Variants in TRPC5 observed in about 807,000 individuals in gnomAD.
TRPC5 encodes transient receptor potential cation channel subfamily C member 5, also known as short transient receptor potential channel 5.
A neutral mutation model predicts 56.5 loss-of-function variants in TRPC5; 9 were observed. The ratio of observed to expected loss-of-function variants is 0.16; its 90% CI spans 0.10 to 0.28. TRPC5 has a LOEUF of 0.28. Ranked by LOEUF, TRPC5 falls within the 10% of genes least tolerant of loss-of-function variation. The probability of loss-of-function intolerance (pLI) is 1.00; values close to 1 mark genes in which losing one functional copy is unlikely to be tolerated. For synonymous variants in TRPC5, 282 were observed against 278.5 expected, an observed-to-expected ratio of 1.01 and a Z score of -0.13; for missense variants, 469 against 748.9, an observed-to-expected ratio of 0.63 and a Z score of 4.36.
At chrX:111,936,317 T>A (rs1258677104) in intron 2 of TRPC5, among the ~76,000 whole-genome samples, 1 of 111,472 alleles carries the variant, frequency 9.0e-6, no homozygotes, top group Non-Finnish European at 1.9e-5. Context: ...TGCACTTTAC[T>A]GAATTTGTTT....
chrX:111,895,834 A>T (rs1163022979), intron 3 of TRPC5: 1 of 111,565 alleles, frequency 9.0e-6, no homozygotes, highest in Admixed American at 9.6e-5. Flanking sequence ...CACTATTACT[A>T]GCCTTTATTT....
At chrX:112,001,634 G>C (rs750240906) in intron 1 of TRPC5, among the ~76,000 whole-genome samples, 41 of 111,222 alleles carry the variant, frequency 3.7e-4, no homozygotes, top group Non-Finnish European at 6.4e-4. Context: ...GTTGGTGCAC[G>C]CTTGTAATCC....
Position 111,831,683 on chromosome X carries a change from C to A in TRPC5, c.1896+3238G>T, listed in dbSNP as rs1305977488. Among the ~76,000 whole-genome samples, 3 of 111,982 alleles carry A rather than the reference C, an allele frequency of 2.7e-5. No individual in the cohort carries two copies. In the South Asian group the frequency reaches 1.1e-3, roughly 42 times the overall value. ...AAGTGCTGTTTACTTATTTTCAGCA[C>A]TAAAGCAAATACTCCATAGCAGCCA... is the stretch of plus-strand genomic sequence containing the variant. On this transcript the variant is annotated intron_variant, in intron 7 of 10. Coordinates refer to ENST00000262839, the MANE Select transcript of TRPC5 (RefSeq NM_012471.3).
chrX:112,063,218 T>C (rs925617265), intron 1 of TRPC5, among the ~76,000 whole-genome samples: 4 of 112,015 alleles, frequency 3.6e-5, no homozygotes, highest in Non-Finnish European at 5.6e-5. Flanking sequence ...CTAGAGATTC[T>C]AGACTGGTTT....
chrX:112,062,874 G>T (rs1930490370), intron 1 of TRPC5, among the ~76,000 whole-genome samples: 1 of 111,796 alleles, frequency 8.9e-6, no homozygotes, highest in Non-Finnish European at 1.9e-5. Flanking sequence ...GAGACAGTAG[G>T]CAGTTGGACC....
intron 5 of TRPC5, among the ~76,000 whole-genome samples, chrX:111,851,106 G>A (rs1295594390): frequency 8.9e-6 from 1 of 112,172 alleles, no homozygotes; most frequent in Non-Finnish European, 1.9e-5. Flanking sequence ...CACATGTATA[G>A]GGCCTACTCT....
At chrX:111,863,042 C>A (rs998000322) in intron 3 of TRPC5, among the ~76,000 whole-genome samples, 2 of 111,664 alleles carry the variant, frequency 1.8e-5, no homozygotes, top group Admixed American at 1.9e-4. Context: ...AGTTATAGAT[C>A]TAATTGGCTT....
At chrX:112,020,644 A>G (rs1368878663) in intron 1 of TRPC5, among the ~76,000 whole-genome samples, 1 of 111,814 alleles carries the variant, frequency 8.9e-6, no homozygotes, top group Non-Finnish European at 1.9e-5. Context: ...AAAAATAATG[A>G]AATCTAAAAA....
In TRPC5 at chrX:111,775,179, C is replaced by G. The variant is rs1252507611; in HGVS notation, c.*1134G>C. On this transcript the variant is annotated 3_prime_UTR_variant, in exon 11 of 11. Transcript: ENST00000262839. ...CCACTAGGGTTGTTATGATATATAT[C>G]TAACATAATTTACACATGCAATTCC... is the stretch of plus-strand genomic sequence containing the variant. The G allele has an allele frequency of 9.0e-6, 1 of 111,469 alleles. No homozygotes were observed. Among genetic ancestry groups the G allele is most frequent in the African/African-American group, 3.3e-5 (1 of 30,580 alleles). The allele number at this position is 111,469 out of a possible 1,213,427, so 9.2% of individuals were successfully genotyped here.
At chrX:112,003,005 G>A (rs147993476) in intron 1 of TRPC5, among the ~76,000 whole-genome samples, 195 of 111,583 alleles carry the variant, frequency 1.7e-3, no homozygotes, top group African/African-American at 5.8e-3. Flanking sequence ...AGCAGAGCAT[G>A]TTAATAACTG....
At chrX:112,070,749 GC>G (rs112880715) in intron 1 of TRPC5, among the ~76,000 whole-genome samples, 40 of 101,441 alleles carry the variant, frequency 3.9e-4, no homozygotes, top group Middle Eastern at 5.0e-3. Context: ...ACTGAAAACT[GC>G]CCCCCCCCAA....
chrX:111,834,770 G>T, intron 7 of TRPC5, 151 bp downstream of exon 7: 1 of 433,123 alleles, frequency 2.3e-6, no homozygotes, highest in Non-Finnish European at 3.9e-6. Context: ...GAATTGCATT[G>T]GAAAGAAATA....
intron 2 of TRPC5, among the ~76,000 whole-genome samples, chrX:111,945,547 C>T (rs760715475): frequency 9.0e-6 from 1 of 110,725 alleles, no homozygotes; most frequent in Non-Finnish European, 1.9e-5. Flanking sequence ...GAAAATTCTA[C>T]CTGATAGAGT....
chrX:111,912,210 GAAA>G (rs1925839955), intron 3 of TRPC5, 78 bp downstream of exon 3: 1 of 1,078,479 alleles, frequency 9.3e-7, no homozygotes, highest in African/African-American at 1.9e-5. Flanking sequence ...CTAAATGGTA[GAAA>G]AATGCTGATT....
At chrX:112,041,928 T>C (rs952873529) in intron 1 of TRPC5, among the ~76,000 whole-genome samples, 1 of 111,896 alleles carries the variant, frequency 8.9e-6, no homozygotes, top group African/African-American at 3.3e-5. Flanking sequence ...GACTCTCTCT[T>C]ATTCTCAATG....
At chrX:112,046,195 CTTT>C (rs369946250) in intron 1 of TRPC5, among the ~76,000 whole-genome samples, 6,131 of 88,595 alleles carry the variant, frequency 0.069, 180 homozygotes, top group African/African-American at 0.11. Flanking sequence ...CCACCCCCAC[CTTT>C]TTTTTTTTTT....
intron 3 of TRPC5, among the ~76,000 whole-genome samples, chrX:111,882,973 C>T (rs905293301): frequency 9.1e-6 from 1 of 110,026 alleles, no homozygotes; most frequent in African/African-American, 3.3e-5. Flanking sequence ...GTAATCCCAG[C>T]TACTCAGGAG....
Position 111,776,570 on chromosome X carries a change from C to T in TRPC5, c.2665G>A (p.Gly889Arg). Residue 889 changes from glycine to arginine, a missense_variant, in exon 11 of 11, where the codon GGG becomes AGG. Physicochemically the swap from Gly to Arg is moderately radical, Grantham distance 125 (BLOSUM62 -2). Coordinates refer to ENST00000262839, the MANE Select transcript of TRPC5 (RefSeq NM_012471.3). The part of the protein sequence containing the change: ...QDIRYSQMEK[G>R]KAEACSQSEI... ...CTTTGAGAACAGGCCTCTGCTTTCC[C>T]TTTCTCCATCTGAGAATATCTGATG... 1 of 1,211,848 alleles carries T rather than the reference C, an allele frequency of 8.3e-7. No homozygotes were observed. The highest frequency in any genetic ancestry group is 1.8e-5 in the South Asian group (1 of 56,990).
At chrX:112,030,273 A>G (rs1285843760) in intron 1 of TRPC5, among the ~76,000 whole-genome samples, 7 of 112,817 alleles carry the variant, frequency 6.2e-5, no homozygotes, top group Admixed American at 2.8e-4. Flanking sequence ...CTTGTGTAAT[A>G]CATACAATAA....
Sources: allele counts gnomAD v4.1 joint callset (sites outside exome capture counted in the v4.1 genomes callset), GRCh38; gene constraint gnomAD v4.1.1; transcripts MANE v1.5; gene names NCBI Gene and HGNC (gene_info 2026-07-23, HGNC 2026-07-21).